Variants in CADM2 observed in about 807,000 individuals in gnomAD.
The protein encoded by CADM2 is immunoglobulin superfamily member 4D.
CADM2 carries 12 observed loss-of-function variants against 49.8 expected under a neutral mutation model. That is an observed-to-expected ratio of 0.24 (90% CI 0.15 to 0.39). The LOEUF (loss-of-function observed/expected upper bound fraction) is 0.39. Among genes scored for constraint, CADM2 ranks in the 10% least tolerant of loss-of-function variants. The probability of loss-of-function intolerance (pLI) is 1.00; values close to 1 mark genes in which losing one functional copy is unlikely to be tolerated. For missense variants in CADM2, 378 were observed against 492.3 expected (o/e 0.77, Z 2.20); for synonymous variants, 214 against 175.4 (o/e 1.22, Z -1.74).
intron 2 of CADM2, among the ~76,000 whole-genome samples, chr3:85,728,875 A>G (rs974928762): frequency 1.3e-5 from 2 of 152,230 alleles, no homozygotes; most frequent in Non-Finnish European, 2.9e-5. Flanking sequence ...AGGTTAAAAC[A>G]GAGTTCATTG....
chr3:85,134,326 C>G (rs947462346), intron 1 of CADM2, among the ~76,000 whole-genome samples: 14 of 152,302 alleles, frequency 9.2e-5, no homozygotes, highest in Non-Finnish European at 1.3e-4. Flanking sequence ...AGCGGCGGGC[C>G]GAAGGGCCCC....
chr3:85,955,765 A>G (rs755689918), intron 7 of CADM2, among the ~76,000 whole-genome samples: 1 of 151,540 alleles, frequency 6.6e-6, no homozygotes, highest in Non-Finnish European at 1.5e-5. Flanking sequence ...TGCAACATAC[A>G]GGTAATCTCT....
At chr3:85,300,164 T>C (rs1257416177) in intron 1 of CADM2, among the ~76,000 whole-genome samples, 1 of 152,078 alleles carries the variant, frequency 6.6e-6, no homozygotes, top group Admixed American at 6.6e-5. Flanking sequence ...GCACTTTCCA[T>C]TGTGCTACAG....
chr3:86,013,809 C>T, intron 8 of CADM2: 1 of 1,589,700 alleles, frequency 6.3e-7, no homozygotes, highest in Non-Finnish European at 8.6e-7. Context: ...AAATATGAAG[C>T]ATTGTCGTGG....
At chr3:85,659,182 A>G (rs1206127404) in intron 1 of CADM2, among the ~76,000 whole-genome samples, 1 of 151,654 alleles carries the variant, frequency 6.6e-6, no homozygotes, top group Non-Finnish European at 1.5e-5. Flanking sequence ...TGTGTCTTAC[A>G]CTCATGGGAA....
chr3:85,202,700 G>C (rs539459787), intron 1 of CADM2, among the ~76,000 whole-genome samples: 12 of 152,272 alleles, frequency 7.9e-5, no homozygotes, highest in African/African-American at 2.2e-4. Context: ...TAAGAAGCAA[G>C]TCAGTCTATT....
At chr3:85,525,175 CAT>C (rs2061134219) in intron 1 of CADM2, among the ~76,000 whole-genome samples, 1 of 152,092 alleles carries the variant, frequency 6.6e-6, no homozygotes, top group African/African-American at 2.4e-5. Context: ...AAAAATAAAA[CAT>C]AAAGTTTTAC....
intron 1 of CADM2, among the ~76,000 whole-genome samples, chr3:85,639,790 C>T (rs936210600): frequency 6.6e-6 from 1 of 151,986 alleles, no homozygotes; most frequent in Non-Finnish European, 1.5e-5. Flanking sequence ...AGCCCTGAAT[C>T]ACTGGTATGG....
intron 1 of CADM2, among the ~76,000 whole-genome samples, chr3:85,454,849 C>CAT (rs60759992): frequency 0.53 from 79,885 of 151,934 alleles, 23,134 homozygotes; most frequent in East Asian, 0.83. Flanking sequence ...ACACACAAAA[C>CAT]AGAATCACAA....
intron 1 of CADM2, among the ~76,000 whole-genome samples, chr3:85,404,475 C>G (rs1350544617): frequency 6.6e-6 from 1 of 152,038 alleles, no homozygotes; most frequent in Non-Finnish European, 1.5e-5. Flanking sequence ...AGAATATTTT[C>G]ATAGCCTATG....
At chr3:86,035,936 T>G (rs1266922566) in intron 8 of CADM2, among the ~76,000 whole-genome samples, 3 of 152,128 alleles carry the variant, frequency 2.0e-5, no homozygotes, top group Non-Finnish European at 4.4e-5. Flanking sequence ...GAAGGCCATT[T>G]TCTTTTCACC....
chr3:86,059,799 T>C (rs1049001279), intron 8 of CADM2, among the ~76,000 whole-genome samples: 1 of 152,142 alleles, frequency 6.6e-6, no homozygotes, highest in Non-Finnish European at 1.5e-5. Flanking sequence ...CAGGTAATAC[T>C]TATCCTCAAT....
chr3:85,673,684 GAGAA>G (rs775258957), intron 1 of CADM2, among the ~76,000 whole-genome samples: 1 of 152,018 alleles, frequency 6.6e-6, no homozygotes, highest in East Asian at 1.9e-4. Context: ...GAAAGAGGGA[GAGAA>G]AGAAAGAAGT....
At chr3:85,275,661 T>C (rs1033229567) in intron 1 of CADM2, among the ~76,000 whole-genome samples, 5 of 151,294 alleles carry the variant, frequency 3.3e-5, no homozygotes, top group African/African-American at 9.7e-5. Flanking sequence ...TACAATTGCA[T>C]ATTTTACAAA....
intron 8 of CADM2, among the ~76,000 whole-genome samples, chr3:86,037,572 A>G (rs1010766937): frequency 7.9e-5 from 12 of 152,274 alleles, no homozygotes; most frequent in Admixed American, 5.9e-4. Context: ...TTTTCATTAT[A>G]TTCTGCAAAA....
At chr3:85,299,956 A>G (rs2044053978) in intron 1 of CADM2, among the ~76,000 whole-genome samples, 1 of 152,074 alleles carries the variant, frequency 6.6e-6, no homozygotes, top group South Asian at 2.1e-4. Flanking sequence ...GATTTCAAGG[A>G]ATATGACAAA....
At chr3:85,151,528 G>C (rs2107646975) in intron 1 of CADM2, among the ~76,000 whole-genome samples, 1 of 152,222 alleles carries the variant, frequency 6.6e-6, no homozygotes, top group South Asian at 2.1e-4. Context: ...GCCAAACAAA[G>C]GCACTGATCT....
intron 6 of CADM2, among the ~76,000 whole-genome samples, chr3:85,917,111 G>A (rs1283372745): frequency 2.6e-5 from 4 of 152,098 alleles, no homozygotes; most frequent in South Asian, 2.1e-4. Flanking sequence ...CTTCCATTCT[G>A]TAGGTTGCCT....
chr3:85,115,656 A>T (rs1315628035), intron 1 of CADM2, among the ~76,000 whole-genome samples: 3 of 152,220 alleles, frequency 2.0e-5, no homozygotes, highest in Non-Finnish European at 4.4e-5. Flanking sequence ...GATTACAACA[A>T]GCCCAAAATT....
Sources: gnomAD v4.1 joint callset for allele counts (sites outside exome capture counted in the v4.1 genomes callset) on GRCh38, gnomAD v4.1.1 for gene constraint, MANE v1.5 for transcripts, NCBI Gene and HGNC (gene_info 2026-07-23, HGNC 2026-07-21) for gene names.